EIF2A: variants seen among roughly 807,000 people sequenced by gnomAD.
EIF2A encodes eukaryotic translation initiation factor 2A.
Under a neutral mutation model 75.2 loss-of-function variants are expected in EIF2A, and 62 were observed. That is an observed-to-expected ratio of 0.82 (90% CI 0.67 to 1.02). EIF2A has a LOEUF of 1.02. Among genes scored for constraint, EIF2A ranks in the 50% least tolerant of loss-of-function variants. The pLI, the probability that EIF2A is intolerant of heterozygous loss-of-function variation, is 0.00. For missense variants in EIF2A, 611 were observed against 677.7 expected (o/e 0.90, Z 1.09); for synonymous variants, 207 against 239.0 (o/e 0.87, Z 1.23).
At chr3:150,579,924 G>T (rs1725077063) in intron 11 of EIF2A, among the ~76,000 whole-genome samples, 1 of 152,088 alleles carries the variant, frequency 6.6e-6, no homozygotes, top group Non-Finnish European at 1.5e-5. Context: ...TCTATAAGAA[G>T]TAGAAACCCT....
chr3:150,583,921 GA>G lies in EIF2A; in HGVS notation c.*13del, dbSNP rs774894748. ...GGAATTGGGTATTTAAAGATTCACGGAAAGCAAGTTGATGACCAGAAATCAG... is the reference window on the plus strand; with the variant it reads ...GGAATTGGGTATTTAAAGATTCACGGAAGCAAGTTGATGACCAGAAATCAG... On this transcript the variant is annotated 3_prime_UTR_variant, in exon 14 of 14. Transcript: ENST00000460851. The G allele has an allele frequency of 1.2e-6, 2 of 1,613,444 alleles. No homozygotes were observed. Among genetic ancestry groups the G allele is most frequent in the Non-Finnish European group, 8.5e-7 (1 of 1,179,574 alleles).
chr3:150,555,503 C>G (rs1559874984), intron 2 of EIF2A, among the ~76,000 whole-genome samples: 1 of 151,902 alleles, frequency 6.6e-6, no homozygotes. Flanking sequence ...GGTGATTCAC[C>G]CTCCTTGGCC....
chr3:150,576,163 C>G (rs1724853677), intron 11 of EIF2A, among the ~76,000 whole-genome samples: 1 of 152,046 alleles, frequency 6.6e-6, no homozygotes, highest in Admixed American at 6.6e-5. Flanking sequence ...TGACTGTGAC[C>G]AGGTGTGGTG....
intron 2 of EIF2A, among the ~76,000 whole-genome samples, chr3:150,557,041 G>A (rs986711621): frequency 6.6e-6 from 1 of 152,218 alleles, no homozygotes; most frequent in South Asian, 2.1e-4. Flanking sequence ...GTTAAGGTCA[G>A]TAAAGTCAGC....
intron 11 of EIF2A, among the ~76,000 whole-genome samples, chr3:150,579,177 T>C (rs1725039628): frequency 6.6e-6 from 1 of 152,216 alleles, no homozygotes. Flanking sequence ...TTTTAAAATC[T>C]GATATCAAAA....
Position 150,585,485 on chromosome 3 carries a change from C to G in EIF2A, c.*1574C>G, listed in dbSNP as rs1304706633. The G allele has an allele frequency of 6.6e-6, 1 of 152,038 alleles. No individual in the cohort carries two copies. Among genetic ancestry groups the G allele is most frequent in the Non-Finnish European group, 1.5e-5 (1 of 68,040 alleles). The allele number at this position is 152,038 out of a possible 1,614,324, so 9.4% of individuals were successfully genotyped here. A position where few individuals can be genotyped will look rare whatever the true frequency, so the allele number is the denominator to read the frequency against. On this transcript the variant is annotated 3_prime_UTR_variant, in exon 14 of 14. Coordinates refer to ENST00000460851, the MANE Select transcript of EIF2A (RefSeq NM_032025.5). ...AGTGAGCCGACATCGTGCCATTGCACTCCAAGCCTGGGCAACAAGAGTGAA... is the reference window on the plus strand; with the variant it reads ...AGTGAGCCGACATCGTGCCATTGCAGTCCAAGCCTGGGCAACAAGAGTGAA...
intron 6 of EIF2A, chr3:150,565,177 C>T (rs1461071395): frequency 2.2e-6 from 1 of 456,576 alleles, no homozygotes; most frequent in Non-Finnish European, 4.4e-6. Flanking sequence ...CATCTGTCCC[C>T]TATAAATTGC....
At chr3:150,552,213 G>T (rs1330005405) in intron 1 of EIF2A, 143 bp from the exon 2 acceptor site, 2 of 656,528 alleles carry the variant, frequency 3.0e-6, no homozygotes, top group South Asian at 1.9e-5. Flanking sequence ...ATGCCCTTTT[G>T]TTGCTAATAT....
At chr3:150,570,880 A>C (rs1248545060) in intron 9 of EIF2A, among the ~76,000 whole-genome samples, 3 of 151,744 alleles carry the variant, frequency 2.0e-5, no homozygotes, top group African/African-American at 7.3e-5. Flanking sequence ...CAGCCTGACC[A>C]ACATGGCGAA....
At chr3:150,557,046 G>A (rs1723605322) in intron 2 of EIF2A, among the ~76,000 whole-genome samples, 1 of 152,180 alleles carries the variant, frequency 6.6e-6, no homozygotes, top group Non-Finnish European at 1.5e-5. Context: ...GGTCAGTAAA[G>A]TCAGCTGATT....
At chr3:150,579,507 C>T (rs1360686889) in intron 11 of EIF2A, among the ~76,000 whole-genome samples, 5 of 151,922 alleles carry the variant, frequency 3.3e-5, no homozygotes, top group Admixed American at 1.3e-4. Context: ...GTCTGGAGTT[C>T]GAGATCAGCC....
chr3:150,570,887 C>T (rs1313374483), intron 9 of EIF2A, among the ~76,000 whole-genome samples: 9 of 151,462 alleles, frequency 5.9e-5, no homozygotes, highest in African/African-American at 2.2e-4. Context: ...ACCAACATGG[C>T]GAAACCCCAT....
intron 5 of EIF2A, 23 bp from the exon 6 acceptor site, chr3:150,564,276 T>A: frequency 3.1e-6 from 4 of 1,278,918 alleles, no homozygotes; most frequent in Non-Finnish European, 4.2e-6. Flanking sequence ...TTTTTATACT[T>A]TTTTTTTTTT....
At chr3:150,555,718 A>G (rs1047347683) in intron 2 of EIF2A, among the ~76,000 whole-genome samples, 7 of 151,936 alleles carry the variant, frequency 4.6e-5, no homozygotes, top group African/African-American at 1.2e-4. Context: ...GCAAAACCCC[A>G]TATCTATTTA....
In EIF2A at chr3:150,585,595, A is replaced by G. The variant is rs745669955; in HGVS notation, c.*1684A>G. ...CTCTTATCTCTCTCAGGATGTGTGTATGTGTTTGTTTCTCTGGAAAACCCT... is the reference window on the plus strand; with the variant it reads ...CTCTTATCTCTCTCAGGATGTGTGTGTGTGTTTGTTTCTCTGGAAAACCCT... On this transcript the variant is annotated 3_prime_UTR_variant, in exon 14 of 14. Transcript: ENST00000460851. 2.4e-4 allele frequency: 37 copies of G among 152,160 alleles called. No individual in the cohort carries two copies. Among genetic ancestry groups the G allele is most frequent in the Non-Finnish European group, 4.3e-4 (29 of 68,040 alleles). 9.4% of individuals were successfully genotyped at this position (152,160 alleles called of 1,614,324 possible). A position where few individuals can be genotyped will look rare whatever the true frequency, so the allele number is the denominator to read the frequency against.
intron 12 of EIF2A, among the ~76,000 whole-genome samples, chr3:150,582,014 T>C (rs1725210604): frequency 6.6e-6 from 1 of 152,168 alleles, no homozygotes; most frequent in Non-Finnish European, 1.5e-5. Context: ...ACACTTTTTT[T>C]TTTTGAGACG....
At chr3:150,548,706 C>A (rs1367372086) in intron 1 of EIF2A, among the ~76,000 whole-genome samples, 1 of 152,156 alleles carries the variant, frequency 6.6e-6, no homozygotes, top group African/African-American at 2.4e-5. Flanking sequence ...TGAAGGATAG[C>A]CACTTTATAG....
At chr3:150,562,709 T>C in intron 4 of EIF2A, 49 bp downstream of exon 4, 1 of 1,391,392 alleles carries the variant, frequency 7.2e-7, no homozygotes, top group Admixed American at 2.0e-5. Flanking sequence ...CAATTACGTT[T>C]AGTGGGGGGG....
Position 150,581,621 on chromosome 3 carries a change from G to A in EIF2A, c.1501G>A (p.Ala501Thr). The part of the protein sequence containing the change: ...HEAKKAAKQE[A>T]RSDKSPDLAP... ...TTTAAAAAAATATTTCCTGCAGGAA[G>A]CAAGAAGTGACAAGAGTCCAGATTT... The change falls in exon 12 of 14, where the codon GCA becomes ACA. Residue 501 changes from alanine to threonine, a missense_variant. Ala to Thr is a moderately conservative substitution (Grantham distance 58). Coordinates refer to ENST00000460851, the MANE Select transcript of EIF2A (RefSeq NM_032025.5). The A allele has an allele frequency of 6.4e-7, 1 of 1,550,552 alleles. No individual in the cohort carries two copies. Among genetic ancestry groups the A allele is most frequent in the South Asian group, 1.2e-5 (1 of 83,808 alleles).
Sources: allele counts gnomAD v4.1 joint callset (sites outside exome capture counted in the v4.1 genomes callset), GRCh38; gene constraint gnomAD v4.1.1; transcripts MANE v1.5; gene names NCBI Gene and HGNC (gene_info 2026-07-23, HGNC 2026-07-21).